FHIT: variants seen among roughly 807,000 people sequenced by gnomAD.
FHIT encodes the protein fragile histidine triad diadenosine triphosphatase.
Under a neutral mutation model 17.9 loss-of-function variants are expected in FHIT, and 19 were observed. That is an observed-to-expected ratio of 1.06 (90% CI 0.74 to 1.56). The LOEUF is 1.56. Ranked by LOEUF, FHIT falls within the 40% of genes most tolerant of loss-of-function variation. The pLI, the probability that FHIT is intolerant of heterozygous loss-of-function variation, is 0.00. For synonymous variants in FHIT, 81 were observed against 69.7 expected (o/e 1.16, Z -0.81); for missense variants, 248 against 189.2 (o/e 1.31, Z -1.82).
At chr3:60,385,217 G>A (rs1419255958) in intron 5 of FHIT, among the ~76,000 whole-genome samples, 4 of 152,158 alleles carry the variant, frequency 2.6e-5, no homozygotes, top group African/African-American at 9.7e-5. Flanking sequence ...AAAATACAAG[G>A]CAGCAGTAAA....
intron 7 of FHIT, among the ~76,000 whole-genome samples, chr3:59,941,196 G>A (rs1404967950): frequency 9.9e-5 from 15 of 152,180 alleles, no homozygotes; most frequent in Non-Finnish European, 2.9e-5. Context: ...TTGAAGACAT[G>A]TTCTTTTGTG....
chr3:60,847,328 G>A (rs532060706), intron 3 of FHIT, among the ~76,000 whole-genome samples: 2 of 152,006 alleles, frequency 1.3e-5, no homozygotes, highest in African/African-American at 4.8e-5. Flanking sequence ...CTGAACAGCT[G>A]TTGCTTGCAC....
At chr3:59,827,083 C>T (rs149144381) in intron 8 of FHIT, among the ~76,000 whole-genome samples, 69 of 152,290 alleles carry the variant, frequency 4.5e-4, no homozygotes, top group Non-Finnish European at 8.4e-4. Context: ...TTACTAAGAG[C>T]TTTTGAGCCT....
intron 3 of FHIT, among the ~76,000 whole-genome samples, chr3:60,877,165 G>A (rs1409771878): frequency 6.6e-6 from 1 of 152,154 alleles, no homozygotes; most frequent in Admixed American, 6.5e-5. Flanking sequence ...TAGCCCACAT[G>A]GCAACTGTGC....
chr3:59,764,204 TG>T (rs562869451), intron 8 of FHIT, among the ~76,000 whole-genome samples: 178 of 152,286 alleles, frequency 1.2e-3, no homozygotes, highest in African/African-American at 4.1e-3. Context: ...TTTGCACATG[TG>T]GTGACTACCA....
intron 4 of FHIT, among the ~76,000 whole-genome samples, chr3:60,572,249 C>A (rs2037409280): frequency 7.0e-6 from 1 of 143,208 alleles, no homozygotes; most frequent in Admixed American, 6.9e-5. Flanking sequence ...CATGCATATA[C>A]ACACACAGAC....
intron 2 of FHIT, among the ~76,000 whole-genome samples, chr3:61,081,892 T>A (rs948148907): frequency 3.9e-5 from 6 of 152,128 alleles, no homozygotes; most frequent in African/African-American, 1.4e-4. Flanking sequence ...GGGCACACAA[T>A]TCGACCTACT....
At chr3:59,980,743 G>C (rs897557633) in intron 7 of FHIT, among the ~76,000 whole-genome samples, 3 of 152,164 alleles carry the variant, frequency 2.0e-5, no homozygotes, top group African/African-American at 4.8e-5. Context: ...GAACCAGAAA[G>C]TGGGCATTCA....
At chr3:60,890,100 T>C (rs1705432782) in intron 3 of FHIT, among the ~76,000 whole-genome samples, 1 of 151,850 alleles carries the variant, frequency 6.6e-6, no homozygotes, top group Non-Finnish European at 1.5e-5. Context: ...TATGGGTTGG[T>C]TTTCTGACTT....
intron 7 of FHIT, among the ~76,000 whole-genome samples, chr3:59,948,981 C>T (rs1706978355): frequency 6.6e-6 from 1 of 151,980 alleles, no homozygotes; most frequent in Non-Finnish European, 1.5e-5. Flanking sequence ...GATGAATGAT[C>T]CTGTTACCCA....
intron 2 of FHIT, among the ~76,000 whole-genome samples, chr3:61,050,137 A>T (rs1408549843): frequency 6.6e-6 from 1 of 152,200 alleles, no homozygotes; most frequent in East Asian, 1.9e-4. Context: ...CTTATATTAA[A>T]TAAATCGGTT....
chr3:60,662,207 G>C (rs1198096805), intron 4 of FHIT, among the ~76,000 whole-genome samples: 1 of 152,124 alleles, frequency 6.6e-6, no homozygotes, highest in Non-Finnish European at 1.5e-5. Flanking sequence ...ATCTTGAGTT[G>C]ATTTTTGTGC....
intron 4 of FHIT, among the ~76,000 whole-genome samples, chr3:60,717,980 T>C (rs1424831637): frequency 1.3e-5 from 2 of 152,190 alleles, no homozygotes; most frequent in Non-Finnish European, 2.9e-5. Context: ...TTGTTTAAAA[T>C]AGCCAATGTT....
chr3:61,004,697 T>G (rs915945981), intron 3 of FHIT, among the ~76,000 whole-genome samples: 1 of 151,856 alleles, frequency 6.6e-6, no homozygotes, highest in Non-Finnish European at 1.5e-5. Flanking sequence ...CATTTTCCAG[T>G]CTCCTGCTTG....
At chr3:60,381,449 G>A (rs141400161) in intron 5 of FHIT, among the ~76,000 whole-genome samples, 4,710 of 151,374 alleles carry the variant, frequency 0.031, 140 homozygotes, top group African/African-American at 0.077. Flanking sequence ...TTGCACTCCA[G>A]CCTGGGCAAC....
intron 4 of FHIT, among the ~76,000 whole-genome samples, chr3:60,647,336 T>A (rs940383086): frequency 3.3e-5 from 5 of 152,158 alleles, no homozygotes; most frequent in Admixed American, 6.5e-5. Context: ...GAGATTAGAC[T>A]TTTCTCCAAA....
intron 4 of FHIT, among the ~76,000 whole-genome samples, chr3:60,796,949 T>C (rs1365485745): frequency 6.6e-6 from 1 of 152,340 alleles, no homozygotes; most frequent in Admixed American, 6.5e-5. Context: ...GTACTTCAGC[T>C]TCTTGAAATT....
At chr3:61,164,851 T>C (rs2037791064) in intron 2 of FHIT, among the ~76,000 whole-genome samples, 1 of 152,218 alleles carries the variant, frequency 6.6e-6, no homozygotes, top group Non-Finnish European at 1.5e-5. Flanking sequence ...TTTATGTCTA[T>C]GAGTACCCAA....
At chr3:61,198,619 C>T (rs1161686944) in intron 2 of FHIT, among the ~76,000 whole-genome samples, 2 of 152,256 alleles carry the variant, frequency 1.3e-5, no homozygotes, top group South Asian at 4.1e-4. Context: ...TTTCTCAAGA[C>T]TATTAACTAG....
Sources: gnomAD v4.1 joint callset for allele counts (sites outside exome capture counted in the v4.1 genomes callset) on GRCh38, gnomAD v4.1.1 for gene constraint, MANE v1.5 for transcripts, NCBI Gene and HGNC (gene_info 2026-07-23, HGNC 2026-07-21) for gene names.